The following KCTD8 variants were observed in gnomAD, a reference collection of about 807,000 sequenced individuals.
KCTD8 encodes potassium channel tetramerization domain containing 8.
A neutral mutation model predicts 31.5 loss-of-function variants in KCTD8; 27 were observed. That is an observed-to-expected ratio of 0.86 (90% confidence interval 0.63 to 1.18). The LOEUF (loss-of-function observed/expected upper bound fraction) is 1.18, where lower values mean the gene tolerates loss of function less well. Among genes scored for constraint, KCTD8 ranks in the 50% most tolerant of loss-of-function variants. KCTD8 has a pLI of 0.00. For synonymous variants in KCTD8, 290 were observed against 280.0 expected (o/e 1.04, Z -0.36); for missense variants, 658 against 647.7 (o/e 1.02, Z -0.17).
intron 1 of KCTD8, among the ~76,000 whole-genome samples, chr4:44,200,148 T>C (rs1407963892): frequency 6.6e-6 from 1 of 151,318 alleles, no homozygotes; most frequent in Non-Finnish European, 1.5e-5. Context: ...AGTTCTGAAA[T>C]TGAATGTTAT....
intron 1 of KCTD8, among the ~76,000 whole-genome samples, chr4:44,363,775 T>C (rs1719561143): frequency 6.6e-6 from 1 of 152,100 alleles, no homozygotes; most frequent in Non-Finnish European, 1.5e-5. Context: ...CTTAAATCAA[T>C]AACCACATTT....
chr4:44,337,297 A>G (rs1192313323), intron 1 of KCTD8, among the ~76,000 whole-genome samples: 1 of 152,220 alleles, frequency 6.6e-6, no homozygotes, highest in African/African-American at 2.4e-5. Flanking sequence ...GACCTTGATC[A>G]AAATTATTTC....
chr4:44,183,872 C>T (rs771644079), intron 1 of KCTD8, among the ~76,000 whole-genome samples: 1 of 152,154 alleles, frequency 6.6e-6, no homozygotes. Flanking sequence ...TTTAATAGTA[C>T]TAAACTCAAT....
At chr4:44,399,414 C>G (rs1329231046) in intron 1 of KCTD8, among the ~76,000 whole-genome samples, 3 of 152,046 alleles carry the variant, frequency 2.0e-5, no homozygotes, top group Admixed American at 2.0e-4. Flanking sequence ...TTAAATGTAG[C>G]TAAAGGCAAA....
chr4:44,421,624 T>C (rs1721213857), intron 1 of KCTD8, among the ~76,000 whole-genome samples: 2 of 152,118 alleles, frequency 1.3e-5, no homozygotes, highest in Admixed American at 1.3e-4. Flanking sequence ...GTGGAATAAA[T>C]TACCGAATAT....
At chr4:44,385,289 C>T (rs947793264) in intron 1 of KCTD8, among the ~76,000 whole-genome samples, 2 of 151,476 alleles carry the variant, frequency 1.3e-5, no homozygotes, top group Non-Finnish European at 3.0e-5. Context: ...TCACATTTCC[C>T]AACTTCAAAA....
intron 1 of KCTD8, among the ~76,000 whole-genome samples, chr4:44,391,377 A>G (rs1577651316): frequency 6.6e-6 from 1 of 151,458 alleles, no homozygotes; most frequent in South Asian, 2.1e-4. Flanking sequence ...CTCCCATTCT[A>G]CCTCCTCCAC....
intron 1 of KCTD8, among the ~76,000 whole-genome samples, chr4:44,393,521 G>GAA (rs555529015): frequency 1.5e-5 from 2 of 137,380 alleles, no homozygotes. Context: ...AGTTCACACT[G>GAA]AAAAAAAAAA....
At chr4:44,375,750 G>C (rs1220224197) in intron 1 of KCTD8, among the ~76,000 whole-genome samples, 1 of 152,056 alleles carries the variant, frequency 6.6e-6, no homozygotes, top group Non-Finnish European at 1.5e-5. Flanking sequence ...CAGAACAGAC[G>C]GTGAGCCTCA....
At chr4:44,420,475 T>C (rs1380507597) in intron 1 of KCTD8, among the ~76,000 whole-genome samples, 1 of 152,194 alleles carries the variant, frequency 6.6e-6, no homozygotes, top group East Asian at 1.9e-4. Flanking sequence ...CCATACAGAC[T>C]TGGTCACAAA....
chr4:44,290,012 T>C (rs1259730083), intron 1 of KCTD8, among the ~76,000 whole-genome samples: 3 of 152,086 alleles, frequency 2.0e-5, no homozygotes, highest in Non-Finnish European at 2.9e-5. Context: ...TAAAAAGGCA[T>C]AGAGTGGGAA....
chr4:44,273,881 G>C (rs531291298), intron 1 of KCTD8, among the ~76,000 whole-genome samples: 1 of 151,864 alleles, frequency 6.6e-6, no homozygotes, highest in East Asian at 1.9e-4. Flanking sequence ...GTCATAGTTA[G>C]GTTTGTTAAA....
chr4:44,231,713 C>G (rs977126635), intron 1 of KCTD8, among the ~76,000 whole-genome samples: 2 of 152,100 alleles, frequency 1.3e-5, no homozygotes, highest in Non-Finnish European at 2.9e-5. Context: ...AAATTAATTG[C>G]ACTGTCCTTT....
chr4:44,369,781 C>T (rs141994973), intron 1 of KCTD8, among the ~76,000 whole-genome samples: 509 of 151,288 alleles, frequency 3.4e-3, no homozygotes, highest in Non-Finnish European at 4.2e-3. Flanking sequence ...GCCTGGGCAA[C>T]GGAGAGAGAT....
At chr4:44,293,180 A>G (rs1281563239) in intron 1 of KCTD8, among the ~76,000 whole-genome samples, 4 of 152,128 alleles carry the variant, frequency 2.6e-5, no homozygotes, top group Admixed American at 6.6e-5. Context: ...ATTTTTTTCA[A>G]TCTGATAATT....
chr4:44,302,314 G>A (rs1168465172), intron 1 of KCTD8, among the ~76,000 whole-genome samples: 2 of 152,098 alleles, frequency 1.3e-5, no homozygotes, highest in African/African-American at 4.8e-5. Context: ...TGGGCAGGAT[G>A]GCCATTTTCA....
At chr4:44,251,066 T>G (rs182182099) in intron 1 of KCTD8, among the ~76,000 whole-genome samples, 1 of 151,846 alleles carries the variant, frequency 6.6e-6, no homozygotes, top group Non-Finnish European at 1.5e-5. Flanking sequence ...TAGCCAATTT[T>G]ACCAGCATTA....
At chr4:44,435,390 T>A (rs1721618700) in intron 1 of KCTD8, among the ~76,000 whole-genome samples, 1 of 152,042 alleles carries the variant, frequency 6.6e-6, no homozygotes, top group South Asian at 2.1e-4. Context: ...CAACTACAAT[T>A]GTCTAACAAT....
chr4:44,344,178 A>C (rs1290996086), intron 1 of KCTD8, among the ~76,000 whole-genome samples: 2 of 151,274 alleles, frequency 1.3e-5, no homozygotes, highest in Admixed American at 6.6e-5. Context: ...TTTTTTAATT[A>C]ATTAATTAAT....
Sources: gnomAD v4.1 joint callset for allele counts (sites outside exome capture counted in the v4.1 genomes callset) on GRCh38, gnomAD v4.1.1 for gene constraint, MANE v1.5 for transcripts, NCBI Gene and HGNC (gene_info 2026-07-23, HGNC 2026-07-21) for gene names.